The following MACROD2 variants were observed in gnomAD, a reference collection of about 807,000 sequenced individuals.
MACROD2 encodes the protein ADP-ribose glycohydrolase MACROD2.
In MACROD2, 36 loss-of-function variants were observed where a neutral mutation model predicts 70.4. The ratio of observed to expected loss-of-function variants is 0.51; its 90% confidence interval spans 0.39 to 0.68. The LOEUF (loss-of-function observed/expected upper bound fraction) is 0.68. MACROD2 is among the 30% of genes least tolerant of loss of function. The pLI is 0.00. For synonymous variants in MACROD2, 172 were observed against 178.8 expected (o/e 0.96, Z 0.30); for missense variants, 496 against 538.4 (o/e 0.92, Z 0.78).
At chr20:15,765,129 C>G (rs991905043) in intron 8 of MACROD2, among the ~76,000 whole-genome samples, 2 of 152,158 alleles carry the variant, frequency 1.3e-5, no homozygotes, top group African/African-American at 4.8e-5. Context: ...ACATAGCCCT[C>G]CATGCTCTAT....
chr20:14,345,216 TA>T lies in MACROD2; in HGVS notation c.272-148262del, dbSNP rs2083051275. On this transcript the variant is annotated intron_variant, in intron 3 of 17. Coordinates refer to ENST00000684519, the MANE Select transcript of MACROD2 (RefSeq NM_001351661.2). ...TTTTAAGTGCATTAGTTAATGGCTT[TA>T]CCTATATTTTATATATGAATTAAGT... Among the ~76,000 whole-genome samples the T allele has an allele frequency of 6.6e-5, 10 of 152,196 alleles. No individual in the cohort carries two copies. In the South Asian group the frequency reaches 1.7e-3, roughly 25 times the overall value.
At chr20:14,530,576 T>G (rs1406968424) in intron 4 of MACROD2, among the ~76,000 whole-genome samples, 3 of 152,200 alleles carry the variant, frequency 2.0e-5, no homozygotes, top group Non-Finnish European at 4.4e-5. Flanking sequence ...TACATGTTCT[T>G]ATCTGCAGGA....
intron 3 of MACROD2, among the ~76,000 whole-genome samples, chr20:14,435,703 A>G (rs2084048692): frequency 7.2e-6 from 1 of 138,062 alleles, no homozygotes; most frequent in South Asian, 2.2e-4. Flanking sequence ...TCCTAAAGTT[A>G]TAGAAGTCAT....
intron 4 of MACROD2, among the ~76,000 whole-genome samples, chr20:14,679,958 G>T (rs2070911498): frequency 6.6e-6 from 1 of 152,138 alleles, no homozygotes; most frequent in Non-Finnish European, 1.5e-5. Flanking sequence ...AAATAAGAGA[G>T]ATTCTATTTG....
intron 7 of MACROD2, among the ~76,000 whole-genome samples, chr20:15,482,981 A>T (rs1486777458): frequency 6.6e-6 from 1 of 152,124 alleles, no homozygotes; most frequent in African/African-American, 2.4e-5. Flanking sequence ...TTTATCAAGT[A>T]TGTCTTTTGC....
At chr20:15,328,676 T>G (rs1319118078) in intron 6 of MACROD2, among the ~76,000 whole-genome samples, 1 of 152,176 alleles carries the variant, frequency 6.6e-6, no homozygotes, top group Non-Finnish European at 1.5e-5. Context: ...CTGATCATTT[T>G]CTTAATCTTA....
At chr20:15,436,903 C>T (rs1235032016) in intron 7 of MACROD2, among the ~76,000 whole-genome samples, 1 of 152,130 alleles carries the variant, frequency 6.6e-6, no homozygotes, top group Non-Finnish European at 1.5e-5. Flanking sequence ...GTTCCATATT[C>T]CAAATCTCAC....
chr20:16,009,338 C>T (rs542306970), intron 15 of MACROD2, among the ~76,000 whole-genome samples: 1 of 152,250 alleles, frequency 6.6e-6, no homozygotes, highest in East Asian at 1.9e-4. Context: ...AACAGCTACC[C>T]CTACCCCTCA....
chr20:14,779,036 G>C (rs1004079447), intron 5 of MACROD2, among the ~76,000 whole-genome samples: 9 of 152,066 alleles, frequency 5.9e-5, no homozygotes, highest in Non-Finnish European at 1.0e-4. Context: ...AAGCTAGCTG[G>C]TTTAACAAAC....
intron 6 of MACROD2, among the ~76,000 whole-genome samples, chr20:15,404,629 T>C (rs1273899018): frequency 6.6e-6 from 1 of 152,220 alleles, no homozygotes; most frequent in Non-Finnish European, 1.5e-5. Flanking sequence ...TTGAGGTTTT[T>C]GCCATTGAAC....
At chr20:15,862,254 C>T (rs187255590) in intron 8 of MACROD2, among the ~76,000 whole-genome samples, 86 of 152,302 alleles carry the variant, frequency 5.6e-4, no homozygotes, top group African/African-American at 2.0e-3. Context: ...GGCTTCATGC[C>T]AACTAAACTG....
At chr20:16,004,225 G>A (rs1181833272) in intron 15 of MACROD2, among the ~76,000 whole-genome samples, 1 of 152,056 alleles carries the variant, frequency 6.6e-6, no homozygotes, top group Non-Finnish European at 1.5e-5. Context: ...CCACTTATAA[G>A]CCTCTCTTCC....
chr20:14,203,826 G>A (rs1357730981), intron 3 of MACROD2, among the ~76,000 whole-genome samples: 1 of 152,212 alleles, frequency 6.6e-6, no homozygotes, highest in Non-Finnish European at 1.5e-5. Context: ...GGTGGCAGTG[G>A]TGGCAGGTCC....
At chr20:14,298,726 T>G (rs1271407106) in intron 3 of MACROD2, among the ~76,000 whole-genome samples, 2 of 151,908 alleles carry the variant, frequency 1.3e-5, no homozygotes, top group African/African-American at 4.8e-5. Context: ...GAGGTCTGAG[T>G]ATCAACATGA....
At chr20:14,578,769 A>G (rs1176540859) in intron 4 of MACROD2, among the ~76,000 whole-genome samples, 2 of 152,190 alleles carry the variant, frequency 1.3e-5, no homozygotes, top group African/African-American at 2.4e-5. Flanking sequence ...GATATCGGGG[A>G]AGGTAAATTC....
At chr20:15,275,487 G>A (rs1031384482) in intron 6 of MACROD2, among the ~76,000 whole-genome samples, 8 of 152,268 alleles carry the variant, frequency 5.3e-5, no homozygotes, top group South Asian at 2.1e-4. Context: ...CTGTGCACCC[G>A]GTAAACATAT....
chr20:15,811,492 T>C (rs1202806949), intron 8 of MACROD2, among the ~76,000 whole-genome samples: 1 of 152,234 alleles, frequency 6.6e-6, no homozygotes, highest in Non-Finnish European at 1.5e-5. Context: ...GACAGTGACC[T>C]TGTATCTCAC....
chr20:15,417,298 G>C (rs1382515746), intron 6 of MACROD2, among the ~76,000 whole-genome samples: 5 of 152,038 alleles, frequency 3.3e-5, no homozygotes, highest in African/African-American at 1.2e-4. Flanking sequence ...GGTTCGTAAA[G>C]TGTGGTCCTG....
chr20:14,264,644 A>G (rs1314459950), intron 3 of MACROD2, among the ~76,000 whole-genome samples: 1 of 152,156 alleles, frequency 6.6e-6, no homozygotes, highest in African/African-American at 2.4e-5. Flanking sequence ...TGGGAAAGTA[A>G]TGGTATAAAT....
Sources: gnomAD v4.1 joint callset for allele counts (sites outside exome capture counted in the v4.1 genomes callset) on GRCh38, gnomAD v4.1.1 for gene constraint, MANE v1.5 for transcripts, NCBI Gene and HGNC (gene_info 2026-07-23, HGNC 2026-07-21) for gene names.